IGF2R: variants seen among roughly 807,000 people sequenced by gnomAD.
IGF2R encodes cation-independent mannose-6-phosphate receptor.
Under a neutral mutation model 270.6 loss-of-function variants are expected in IGF2R, and 91 were observed. The ratio of observed to expected loss-of-function variants is 0.34; its 90% CI spans 0.28 to 0.40. IGF2R has a LOEUF of 0.40. Ranked by LOEUF, IGF2R falls within the 10% of genes least tolerant of loss-of-function variation. The pLI is 1.00. For synonymous variants in IGF2R, 1,316 were observed against 1,258.9 expected (o/e 1.05, Z -0.96); for missense variants, 2,805 against 3,188.3 (o/e 0.88, Z 2.90).
At chr6:160,017,672 T>C (rs955601885) in intron 4 of IGF2R, among the ~76,000 whole-genome samples, 1 of 152,110 alleles carries the variant, frequency 6.6e-6, no homozygotes. Flanking sequence ...CAGGAGAAAC[T>C]TAAGAGCCAG....
At chr6:159,975,684 T>TTATATATA (rs34536101) in intron 1 of IGF2R, among the ~76,000 whole-genome samples, 11 of 141,742 alleles carry the variant, frequency 7.8e-5, no homozygotes, top group East Asian at 2.0e-4. Flanking sequence ...TTATATATAT[T>TTATATATA]TATATATATA....
At chr6:159,988,904 G>A (rs2115181442) in intron 1 of IGF2R, among the ~76,000 whole-genome samples, 1 of 152,282 alleles carries the variant, frequency 6.6e-6, no homozygotes, top group East Asian at 1.9e-4. Flanking sequence ...CATGAATAAA[G>A]GTTAACGAAG....
intron 23 of IGF2R, 61 bp downstream of exon 23, chr6:160,060,778 A>G: frequency 3.3e-6 from 5 of 1,521,566 alleles, no homozygotes; most frequent in Non-Finnish European, 4.5e-6. Context: ...GTGTGAGTGG[A>G]TATGAAGGTG....
At position 160,064,496 on chromosome 6, in the gene IGF2R, G is replaced by A. The variant is rs753293718; in HGVS notation, c.3982G>A (p.Ala1328Thr). Residue 1328 changes from alanine (A) to threonine (T), a missense_variant, in exon 28 of 48, where the codon GCC (alanine) becomes ACC (threonine). Ala to Thr is a moderately conservative substitution (Grantham distance 58, BLOSUM62 0). This residue lies in a region of IGF2R where 1,851 missense variants were observed against 2,207.2 expected (regional missense o/e 0.84). Transcript: ENST00000356956. ...CCATAAGGTTTATCAGCGCTCCACA[G>A]CCATCTTCTTCTACTGTGACCGCGG... is the stretch of plus-strand genomic sequence containing the variant. The part of the protein sequence containing the change: ...TCHKVYQRST[A>T]IFFYCDRGTQ... 24 of 1,614,008 alleles carry A rather than the reference G, an allele frequency of 1.5e-5. No individual in the cohort carries two copies. The highest frequency in any genetic ancestry group is 1.6e-4 in the Middle Eastern group (1 of 6,084).
Position 160,068,300 on chromosome 6 carries a change from CA to C in IGF2R, c.4169del (p.Asn1390ThrfsTer46). The C allele has an allele frequency of 6.2e-7, 1 of 1,614,224 alleles. No individual in the cohort carries two copies. Among genetic ancestry groups the C allele is most frequent in the Non-Finnish European group, 8.5e-7 (1 of 1,180,018 alleles). On this transcript the variant is annotated frameshift_variant, in exon 30 of 48. Coordinates refer to ENST00000356956, the MANE Select transcript of IGF2R (RefSeq NM_000876.4). LOFTEE classifies it high-confidence loss of function. ...TCTCGTCCCTGTCAAGGTACAGTGACAACTGGGAAGCCATCACTGGGACGGG... is the reference window on the plus strand; with the variant it reads ...TCTCGTCCCTGTCAAGGTACAGTGACACTGGGAAGCCATCACTGGGACGGG... Reference protein sequence around the residue: ...DLSSLSRYSDNWEAITGTGDP... With the variant: ...DLSSLSRYSDXWEAITGTGDP...
intron 6 of IGF2R, 96 bp from the exon 7 acceptor site, chr6:160,029,454 C>A (rs750401956): frequency 3.9e-5 from 27 of 687,176 alleles, no homozygotes; most frequent in Admixed American, 3.5e-4. Context: ...CCCTCTCCTC[C>A]CCCCCAAGTG....
intron 39 of IGF2R, among the ~76,000 whole-genome samples, chr6:160,082,929 C>T (rs1779017961): frequency 6.6e-6 from 1 of 152,192 alleles, no homozygotes; most frequent in Admixed American, 6.5e-5. Context: ...TGGCCTGCCC[C>T]TCCACACTTG....
chr6:160,083,895 T>C, intron 39 of IGF2R, 55 bp from the exon 40 acceptor site: 1 of 1,211,654 alleles, frequency 8.3e-7, no homozygotes, highest in Non-Finnish European at 1.2e-6. Context: ...GTCTTCCCTT[T>C]CTGCATAGAC....
intron 18 of IGF2R, among the ~76,000 whole-genome samples, chr6:160,049,219 T>C (rs1778139518): frequency 6.6e-6 from 1 of 152,234 alleles, no homozygotes; most frequent in Non-Finnish European, 1.5e-5. Flanking sequence ...TCTGCACATG[T>C]GTGTTCTTTA....
In IGF2R at chr6:160,110,255, C is replaced by G. The variant is rs899246564; in HGVS notation, c.*5171C>G. 4 of 152,152 alleles carry G rather than the reference C, an allele frequency of 2.6e-5. No homozygotes were observed. Among genetic ancestry groups the G allele is most frequent in the Non-Finnish European group, 5.9e-5 (4 of 68,028 alleles). 9.4% of individuals were successfully genotyped at this position (152,152 alleles called of 1,614,324 possible). A position where few individuals can be genotyped will look rare whatever the true frequency, so the allele number is the denominator to read the frequency against. On this transcript the variant is annotated 3_prime_UTR_variant, in exon 48 of 48. Coordinates refer to ENST00000356956, the MANE Select transcript of IGF2R (RefSeq NM_000876.4). ...TTCTGTTGTTTTCCAGAGGCTCCCA[C>G]GGAGCATGCTGGGTGGGTGGTCTGT... is the stretch of plus-strand genomic sequence containing the variant.
chr6:160,064,726 T>C (rs1383900366), intron 28 of IGF2R, 78 bp from the exon 29 acceptor site: 1 of 1,181,216 alleles, frequency 8.5e-7, no homozygotes, highest in Non-Finnish European at 1.3e-6. Flanking sequence ...TTCTTTACTA[T>C]TTTCATTCTT....
At chr6:160,022,097 G>T (rs1434706813) in intron 4 of IGF2R, among the ~76,000 whole-genome samples, 1 of 151,986 alleles carries the variant, frequency 6.6e-6, no homozygotes, top group Non-Finnish European at 1.5e-5. Context: ...ATGTTTTGGA[G>T]TAATATTGGT....
intron 4 of IGF2R, among the ~76,000 whole-genome samples, chr6:160,014,400 A>G (rs1252604774): frequency 3.3e-5 from 5 of 152,214 alleles, no homozygotes; most frequent in Non-Finnish European, 5.9e-5. Context: ...GGTGTTCCCC[A>G]GTAGCCTTGA....
rs1208592600 is a variant in IGF2R, at chr6:160,072,836, G to C, written c.4642G>C (p.Val1548Leu). ...AGCTGCTTACAGCGAGAAGGGGTTG[G>C]TTTACATGAGCATCTGTGGGGAGAA... ...FTAAYSEKGL[V>L]YMSICGENEN... is the part of the protein sequence containing the mutation. Residue 1548 changes from valine (V) to leucine (L), a missense_variant, in exon 33 of 48, where the codon GTT (valine) becomes CTT (leucine). By Grantham distance (32) the Val-to-Leu change is conservative. This residue lies in a region of IGF2R where 1,851 missense variants were observed against 2,207.2 expected (regional missense o/e 0.84). Transcript: ENST00000356956. 1.2e-6 allele frequency: 2 copies of C among 1,614,164 alleles called. No individual in the cohort carries two copies. Among genetic ancestry groups the C allele is most frequent in the Admixed American group, 1.7e-5 (1 of 60,026 alleles).
chr6:160,062,260 GC>G (rs1778457299), intron 25 of IGF2R, among the ~76,000 whole-genome samples: 1 of 134,474 alleles, frequency 7.4e-6, no homozygotes, highest in South Asian at 2.4e-4. Flanking sequence ...TGCAACCTCC[GC>G]CCCCCAGGTT....
At chr6:160,085,341 C>A (rs905358098) in intron 41 of IGF2R, among the ~76,000 whole-genome samples, 2 of 152,082 alleles carry the variant, frequency 1.3e-5, no homozygotes, top group Non-Finnish European at 2.9e-5. Context: ...AGGTCCTAGT[C>A]TGTGTGTTTA....
intron 19 of IGF2R, among the ~76,000 whole-genome samples, chr6:160,051,414 A>G (rs890902806): frequency 2.6e-5 from 4 of 152,166 alleles, no homozygotes; most frequent in African/African-American, 9.7e-5. Context: ...CTTCTTGGTC[A>G]GGTAAGGAAA....
chr6:160,009,239 A>G, intron 3 of IGF2R, 105 bp downstream of exon 3: 1 of 954,786 alleles, frequency 1.0e-6, no homozygotes, highest in Non-Finnish European at 1.5e-6. Flanking sequence ...GAGCAAACTT[A>G]GAAACACAAA....
At chr6:160,009,964 C>A (rs1368541230) in intron 3 of IGF2R, among the ~76,000 whole-genome samples, 1 of 145,746 alleles carries the variant, frequency 6.9e-6, no homozygotes, top group African/African-American at 2.6e-5. Flanking sequence ...ATATAAATTG[C>A]ATCGTTGTGC....
Sources: allele counts gnomAD v4.1 joint callset (sites outside exome capture counted in the v4.1 genomes callset), GRCh38; gene constraint gnomAD v4.1.1; regional missense constraint gnomAD v4.1.1; transcripts MANE v1.5; gene names NCBI Gene and HGNC (gene_info 2026-07-23, HGNC 2026-07-21).